Variants in KCTD8 observed in about 807,000 individuals in gnomAD.
The protein encoded by KCTD8 is potassium channel tetramerization domain containing 8, also known as BTB/POZ domain-containing protein KCTD8.
A neutral mutation model predicts 31.5 loss-of-function variants in KCTD8; 27 were observed. The ratio of observed to expected loss-of-function variants is 0.86; its 90% CI spans 0.63 to 1.18. KCTD8 has a LOEUF of 1.18. Ranked by LOEUF, KCTD8 falls within the 50% of genes most tolerant of loss-of-function variation. The pLI is 0.00. For synonymous variants in KCTD8, 290 were observed against 280.0 expected (o/e 1.04, Z -0.36); for missense variants, 658 against 647.7 (o/e 1.02, Z -0.17).
At chr4:44,324,158 T>C (rs1718383820) in intron 1 of KCTD8, among the ~76,000 whole-genome samples, 1 of 151,064 alleles carries the variant, frequency 6.6e-6, no homozygotes, top group Admixed American at 6.6e-5. Flanking sequence ...ATGAATTAAA[T>C]ATTTAATGGC....
At chr4:44,177,580 C>T (rs1436266851) in intron 1 of KCTD8, among the ~76,000 whole-genome samples, 1 of 152,124 alleles carries the variant, frequency 6.6e-6, no homozygotes, top group Non-Finnish European at 1.5e-5. Flanking sequence ...AGTGAATAAA[C>T]CTCATGAGAC....
intron 1 of KCTD8, among the ~76,000 whole-genome samples, chr4:44,341,441 C>G (rs1718897417): frequency 6.6e-6 from 1 of 152,196 alleles, no homozygotes; most frequent in Non-Finnish European, 1.5e-5. Context: ...ACTTGACCCA[C>G]AGTGAAATTT....
chr4:44,413,406 C>A (rs1377923574), intron 1 of KCTD8, among the ~76,000 whole-genome samples: 1 of 152,156 alleles, frequency 6.6e-6, no homozygotes, highest in African/African-American at 2.4e-5. Flanking sequence ...CCCTGTTCCC[C>A]TAGACGGAAA....
At chr4:44,219,310 C>G (rs1048574215) in intron 1 of KCTD8, among the ~76,000 whole-genome samples, 9 of 152,178 alleles carry the variant, frequency 5.9e-5, no homozygotes, top group Admixed American at 5.9e-4. Flanking sequence ...TGTATATCCC[C>G]AAAAGGTATG....
intron 1 of KCTD8, among the ~76,000 whole-genome samples, chr4:44,330,129 A>G (rs1171595678): frequency 2.0e-5 from 3 of 151,868 alleles, no homozygotes; most frequent in Non-Finnish European, 4.4e-5. Flanking sequence ...AAAACCTCAC[A>G]TTTCAGGTTA....
At chr4:44,245,276 T>C (rs560185386) in intron 1 of KCTD8, among the ~76,000 whole-genome samples, 2 of 152,088 alleles carry the variant, frequency 1.3e-5, no homozygotes, top group Admixed American at 6.6e-5. Context: ...CAGCATGTTT[T>C]AAAATATATA....
At chr4:44,202,898 T>C (rs1714192315) in intron 1 of KCTD8, among the ~76,000 whole-genome samples, 1 of 152,146 alleles carries the variant, frequency 6.6e-6, no homozygotes. Context: ...TAGAGCAGTA[T>C]TAAATAGGAA....
At chr4:44,198,237 G>A (rs990161669) in intron 1 of KCTD8, among the ~76,000 whole-genome samples, 3 of 152,176 alleles carry the variant, frequency 2.0e-5, no homozygotes, top group African/African-American at 7.2e-5. Context: ...ATATTTGAGT[G>A]TATAGTCTAT....
intron 1 of KCTD8, among the ~76,000 whole-genome samples, chr4:44,332,092 G>A (rs915391162): frequency 1.3e-5 from 2 of 151,736 alleles, no homozygotes; most frequent in African/African-American, 2.4e-5. Context: ...AATGCAATAC[G>A]CTGAAAGAAA....
At chr4:44,358,247 T>C (rs994173214) in intron 1 of KCTD8, among the ~76,000 whole-genome samples, 1 of 152,180 alleles carries the variant, frequency 6.6e-6, no homozygotes, top group Non-Finnish European at 1.5e-5. Context: ...TATGGCTGCA[T>C]AGTGTTCCAT....
intron 1 of KCTD8, among the ~76,000 whole-genome samples, chr4:44,356,801 T>C (rs944224212): frequency 6.6e-6 from 1 of 152,080 alleles, no homozygotes; most frequent in Non-Finnish European, 1.5e-5. Context: ...AAAAGAACAG[T>C]CCACTACAAT....
At chr4:44,379,024 C>T (rs1719992560) in intron 1 of KCTD8, among the ~76,000 whole-genome samples, 1 of 152,070 alleles carries the variant, frequency 6.6e-6, no homozygotes, top group African/African-American at 2.4e-5. Context: ...TCTTCTAATC[C>T]CTCTCTCTGA....
At chr4:44,324,385 C>T (rs563393093) in intron 1 of KCTD8, among the ~76,000 whole-genome samples, 23 of 152,040 alleles carry the variant, frequency 1.5e-4, no homozygotes, top group Admixed American at 3.3e-4. Flanking sequence ...ATTTTACTGT[C>T]TTCAGTTATA....
intron 1 of KCTD8, among the ~76,000 whole-genome samples, chr4:44,260,860 A>G (rs1180307502): frequency 6.6e-6 from 1 of 151,968 alleles, no homozygotes; most frequent in Non-Finnish European, 1.5e-5. Flanking sequence ...GTATGGTATG[A>G]GTTTGGTTCT....
intron 1 of KCTD8, among the ~76,000 whole-genome samples, chr4:44,313,709 T>C (rs748443222): frequency 3.9e-5 from 6 of 152,154 alleles, no homozygotes; most frequent in Non-Finnish European, 7.3e-5. Context: ...GCTTAGGCAA[T>C]GGAGATATGA....
chr4:44,286,845 T>A (rs1717094302), intron 1 of KCTD8, among the ~76,000 whole-genome samples: 1 of 152,002 alleles, frequency 6.6e-6, no homozygotes, highest in Non-Finnish European at 1.5e-5. Flanking sequence ...CAGAGAAAGA[T>A]GATGGTGAGA....
At chr4:44,196,832 A>T (rs745393799) in intron 1 of KCTD8, among the ~76,000 whole-genome samples, 6 of 152,142 alleles carry the variant, frequency 3.9e-5, no homozygotes, top group Non-Finnish European at 7.4e-5. Flanking sequence ...CAGAGGCAAC[A>T]CTCAAGAATA....
At position 44,238,266 on chromosome 4, in the gene KCTD8, G is replaced by T. The variant is rs138207639; in HGVS notation, c.962-63016C>A. The stretch of plus-strand genomic sequence containing the variant: ...TGAGCTTTACTCCCTAAGGGAAGCT[G>T]CCTTGGCCCTTCAATTTAGGTTGTG... On this transcript the variant is annotated intron_variant, in intron 1 of 1. Coordinates refer to ENST00000360029, the MANE Select transcript of KCTD8 (RefSeq NM_198353.3). Among the ~76,000 whole-genome samples, 502 of 152,076 alleles carry T rather than the reference G, an allele frequency of 3.3e-3. 1 individual carries two copies. The highest frequency in any genetic ancestry group is 5.9e-3 in the Non-Finnish European group (402 of 67,992).
At chr4:44,389,895 G>A (rs561798437) in intron 1 of KCTD8, among the ~76,000 whole-genome samples, 1 of 151,806 alleles carries the variant, frequency 6.6e-6, no homozygotes, top group Non-Finnish European at 1.5e-5. Flanking sequence ...TAGTGATGTT[G>A]AGCATTTTTT....
Sources: allele counts gnomAD v4.1 joint callset (sites outside exome capture counted in the v4.1 genomes callset), GRCh38; gene constraint gnomAD v4.1.1; transcripts MANE v1.5; gene names NCBI Gene and HGNC (gene_info 2026-07-23, HGNC 2026-07-21).